Variants in ATG10 observed in about 807,000 individuals in gnomAD.
ATG10 encodes autophagy related 10.
Under a neutral mutation model 32.1 loss-of-function variants are expected in ATG10, and 30 were observed. That is an observed-to-expected ratio of 0.94 (90% confidence interval 0.70 to 1.27). The LOEUF (loss-of-function observed/expected upper bound fraction) is 1.27, where lower values mean the gene tolerates loss of function less well. Ranked by LOEUF, ATG10 falls within the 50% of genes most tolerant of loss-of-function variation. The pLI, the probability that ATG10 is intolerant of heterozygous loss-of-function variation, is 0.00. For missense variants in ATG10, 233 were observed against 262.3 expected, an observed-to-expected ratio of 0.89 and a Z score of 0.77; for synonymous variants, 87 against 91.5, an observed-to-expected ratio of 0.95 and a Z score of 0.28.
chr5:82,028,330 G>T (rs1291188449), intron 2 of ATG10, among the ~76,000 whole-genome samples: 1 of 152,094 alleles, frequency 6.6e-6, no homozygotes, highest in Non-Finnish European at 1.5e-5. Flanking sequence ...TCAGTTCTTT[G>T]TAAAGAAGTA....
chr5:82,022,849 T>C (rs1285035242), intron 2 of ATG10, among the ~76,000 whole-genome samples: 1 of 152,022 alleles, frequency 6.6e-6, no homozygotes, highest in South Asian at 2.1e-4. Context: ...GGAACCAAGG[T>C]GTGTCTGCCT....
intron 5 of ATG10, among the ~76,000 whole-genome samples, chr5:82,247,662 T>G (rs557261429): frequency 6.6e-6 from 1 of 152,350 alleles, no homozygotes; most frequent in Non-Finnish European, 1.5e-5. Context: ...ATAATGAATT[T>G]TCCCCCTGGT....
At chr5:82,068,550 A>G (rs1175316835) in intron 3 of ATG10, among the ~76,000 whole-genome samples, 3 of 151,652 alleles carry the variant, frequency 2.0e-5, no homozygotes, top group East Asian at 3.9e-4. Context: ...AACTTAAAGT[A>G]TATATATAAT....
At chr5:82,095,247 C>T (rs1002070286) in intron 3 of ATG10, among the ~76,000 whole-genome samples, 1 of 152,112 alleles carries the variant, frequency 6.6e-6, no homozygotes, top group Non-Finnish European at 1.5e-5. Flanking sequence ...TCTGAGCCCT[C>T]ACTTTTGCCT....
chr5:82,187,048 C>G (rs982943376), intron 5 of ATG10, among the ~76,000 whole-genome samples: 2 of 152,170 alleles, frequency 1.3e-5, no homozygotes, highest in Non-Finnish European at 2.9e-5. Flanking sequence ...TGGCTCATAA[C>G]TGCAATCACA....
At chr5:82,197,885 T>G (rs1199847049) in intron 5 of ATG10, among the ~76,000 whole-genome samples, 1 of 152,178 alleles carries the variant, frequency 6.6e-6, no homozygotes, top group Non-Finnish European at 1.5e-5. Flanking sequence ...GAACTCTTTT[T>G]GCAAAGGACT....
intron 2 of ATG10, among the ~76,000 whole-genome samples, chr5:82,052,710 G>A (rs1020325595): frequency 2.0e-5 from 3 of 152,090 alleles, no homozygotes; most frequent in Non-Finnish European, 4.4e-5. Context: ...AGCCTGTACA[G>A]TTACATTTAA....
At chr5:81,979,573 A>G (rs932693203) in intron 1 of ATG10, among the ~76,000 whole-genome samples, 9 of 152,266 alleles carry the variant, frequency 5.9e-5, no homozygotes, top group Non-Finnish European at 1.0e-4. Flanking sequence ...AGATGCTAAG[A>G]TACGAAGTGT....
intron 1 of ATG10, among the ~76,000 whole-genome samples, chr5:81,973,907 A>G (rs1760800542): frequency 6.6e-6 from 1 of 152,222 alleles, no homozygotes; most frequent in Non-Finnish European, 1.5e-5. Context: ...TTGAATGTGG[A>G]GTGTTAAAAG....
chr5:81,983,383 C>T (rs573198677), intron 1 of ATG10, among the ~76,000 whole-genome samples: 1 of 148,558 alleles, frequency 6.7e-6, no homozygotes, highest in African/African-American at 2.5e-5. Context: ...CCCTCACCTC[C>T]CGGACGGGGT....
Position 82,117,182 on chromosome 5 carries a change from A to T in ATG10, c.217-47217A>T, listed in dbSNP as rs961729335. Among the ~76,000 whole-genome samples the T allele has an allele frequency of 2.0e-5, 3 of 152,108 alleles. 1 individual carries two copies. Among genetic ancestry groups the T allele is most frequent in the Non-Finnish European group, 4.4e-5 (3 of 67,998 alleles). On this transcript the variant is annotated intron_variant, in intron 3 of 7. Coordinates refer to ENST00000282185, the MANE Select transcript of ATG10 (RefSeq NM_031482.5). The stretch of plus-strand genomic sequence containing the variant: ...ATTTTAGTTGAGTAAACAGACATGG[A>T]AGTAATTATGATTGAGCATGCCAGT...
rs562082720 is a variant in ATG10 at position 82,176,432 on chromosome 5, A to G, written c.356-2058A>G. ...ACTAGCTCTAACATTTTATTATCCT[A>G]CTACAGGTATTTGTTTACTTCTAAC... On this transcript the variant is annotated intron_variant, in intron 4 of 7. Coordinates refer to ENST00000282185, the MANE Select transcript of ATG10 (RefSeq NM_031482.5). Among the ~76,000 whole-genome samples the G allele has an allele frequency of 3.3e-5, 5 of 152,258 alleles. No individual in the cohort carries two copies. In the South Asian group the frequency reaches 1.0e-3, roughly 32 times the overall value.
At chr5:81,981,385 A>C (rs1324562536) in intron 1 of ATG10, among the ~76,000 whole-genome samples, 1 of 152,212 alleles carries the variant, frequency 6.6e-6, no homozygotes, top group African/African-American at 2.4e-5. Flanking sequence ...TGCTGTCTAA[A>C]ATTTGAGGAC....
intron 5 of ATG10, among the ~76,000 whole-genome samples, chr5:82,198,744 TG>T (rs772923685): frequency 2.5e-4 from 38 of 152,320 alleles, no homozygotes; most frequent in Middle Eastern, 3.4e-3. Context: ...GAACAGTACT[TG>T]GGATTGGGGG....
intron 3 of ATG10, among the ~76,000 whole-genome samples, chr5:82,089,716 C>T (rs538070104): frequency 6.6e-6 from 1 of 152,094 alleles, no homozygotes; most frequent in Admixed American, 6.6e-5. Context: ...TTGAGACCAA[C>T]AGCATGATCC....
intron 2 of ATG10, 91 bp from the exon 3 acceptor site, chr5:82,058,404 C>G: frequency 1.1e-6 from 1 of 887,574 alleles, no homozygotes; most frequent in Non-Finnish European, 1.8e-6. Context: ...TTTCACTGAT[C>G]AGTTTGGAAC....
intron 2 of ATG10, among the ~76,000 whole-genome samples, chr5:82,017,721 A>G (rs1028373826): frequency 3.3e-5 from 5 of 152,304 alleles, no homozygotes; most frequent in African/African-American, 1.2e-4. Flanking sequence ...CAATATTATT[A>G]TTAATGTTAC....
At chr5:81,976,735 A>G (rs1760886196) in intron 1 of ATG10, among the ~76,000 whole-genome samples, 2 of 152,160 alleles carry the variant, frequency 1.3e-5, no homozygotes, top group South Asian at 2.1e-4. Flanking sequence ...TAATATGCCT[A>G]GTGTTCCATT....
intron 5 of ATG10, among the ~76,000 whole-genome samples, chr5:82,239,894 A>G (rs2150017194): frequency 6.6e-6 from 1 of 152,306 alleles, no homozygotes; most frequent in African/African-American, 2.4e-5. Flanking sequence ...AGACATACAA[A>G]TGGCTAAAAG....
Sources: gnomAD v4.1 joint callset for allele counts (sites outside exome capture counted in the v4.1 genomes callset) on GRCh38, gnomAD v4.1.1 for gene constraint, MANE v1.5 for transcripts, NCBI Gene and HGNC (gene_info 2026-07-23, HGNC 2026-07-21) for gene names.